NELL1: variants seen among roughly 807,000 people sequenced by gnomAD.
The protein encoded by NELL1 is protein kinase C-binding protein NELL1.
In NELL1, 76 loss-of-function variants were observed where a neutral mutation model predicts 107.4. That is an observed-to-expected ratio of 0.71 (90% CI 0.59 to 0.86). NELL1 has a LOEUF of 0.86. NELL1 is among the 40% of genes least tolerant of loss of function. The pLI, the probability that NELL1 is intolerant of heterozygous loss-of-function variation, is 0.00. For synonymous variants in NELL1, 353 were observed against 341.2 expected (o/e 1.03, Z -0.38); for missense variants, 1,024 against 1,005.5 (o/e 1.02, Z -0.25).
intron 4 of NELL1, among the ~76,000 whole-genome samples, chr11:20,855,949 G>A (rs879372804): frequency 5.3e-5 from 8 of 152,310 alleles, no homozygotes; most frequent in South Asian, 2.1e-4. Flanking sequence ...TGCTGATGTC[G>A]TTGAAAAGAA....
chr11:20,792,016 G>A (rs185466799), intron 3 of NELL1, among the ~76,000 whole-genome samples: 3 of 152,096 alleles, frequency 2.0e-5, no homozygotes, highest in African/African-American at 4.8e-5. Flanking sequence ...CGATTTGATA[G>A]TATATTGTTG....
chr11:21,046,120 G>A (rs1180546346), intron 12 of NELL1, among the ~76,000 whole-genome samples: 1 of 152,118 alleles, frequency 6.6e-6, no homozygotes, highest in Admixed American at 6.6e-5. Flanking sequence ...CTAAGGCAGT[G>A]TTTTTAAGTC....
chr11:20,972,670 C>T (rs192893372), intron 12 of NELL1, among the ~76,000 whole-genome samples: 5 of 151,938 alleles, frequency 3.3e-5, no homozygotes, highest in Admixed American at 2.6e-4. Flanking sequence ...GAGTGTTGAG[C>T]GCAGAGAGAA....
chr11:21,488,318 T>C (rs540782330), intron 15 of NELL1, among the ~76,000 whole-genome samples: 1 of 152,026 alleles, frequency 6.6e-6, no homozygotes, highest in Non-Finnish European at 1.5e-5. Context: ...AGAAATAAAC[T>C]TCTTCTATTT....
chr11:21,054,607 T>G (rs1169519693), intron 12 of NELL1, among the ~76,000 whole-genome samples: 2 of 152,102 alleles, frequency 1.3e-5, no homozygotes, highest in African/African-American at 4.8e-5. Context: ...TCACTAATAT[T>G]ATAGTTTTTG....
chr11:20,874,941 A>G (rs1045245886), intron 4 of NELL1, among the ~76,000 whole-genome samples: 2 of 152,198 alleles, frequency 1.3e-5, no homozygotes, highest in African/African-American at 4.8e-5. Context: ...CTGTTCCTTC[A>G]ACTGTTCATC....
chr11:21,483,990 C>CATATATAT (rs781565679), intron 15 of NELL1, among the ~76,000 whole-genome samples: 1,455 of 88,156 alleles, frequency 0.017, 67 homozygotes, highest in Middle Eastern at 0.023. Flanking sequence ...TTTTACTTAA[C>CATATATAT]ATATATATAT....
intron 14 of NELL1, among the ~76,000 whole-genome samples, chr11:21,245,496 G>A (rs998475528): frequency 5.9e-5 from 9 of 152,080 alleles, no homozygotes; most frequent in South Asian, 2.1e-4. Flanking sequence ...TTTCCTTGTC[G>A]TTCAAAATGA....
intron 13 of NELL1, among the ~76,000 whole-genome samples, chr11:21,161,406 G>A (rs114032922): frequency 0.025 from 3,789 of 152,086 alleles, 158 homozygotes; most frequent in African/African-American, 0.085. Flanking sequence ...GTGTAGTGGC[G>A]CACGCCGGTA....
In NELL1 at chr11:20,705,929, T is replaced by C. The variant is rs532423019; in HGVS notation, c.184+27869T>C. Among the ~76,000 whole-genome samples the C allele has an allele frequency of 4.6e-5, 7 of 152,312 alleles. No homozygotes were observed. The East Asian group carries it at 1.3e-3, about 29-fold the overall frequency. On this transcript the variant is annotated intron_variant, in intron 2 of 19. Transcript: ENST00000357134. Reference sequence around the variant, plus strand: ...CACGTGAAAAAATGCTCATCATGACTGGCCATCAGAGAAATGCAAATGAAA... The same window carrying C: ...CACGTGAAAAAATGCTCATCATGACCGGCCATCAGAGAAATGCAAATGAAA...
intron 14 of NELL1, among the ~76,000 whole-genome samples, chr11:21,324,094 C>T (rs780095470): frequency 6.6e-6 from 1 of 152,108 alleles, no homozygotes; most frequent in Non-Finnish European, 1.5e-5. Context: ...GTGTAATAAA[C>T]TACCCATGTG....
intron 12 of NELL1, among the ~76,000 whole-genome samples, chr11:21,058,827 G>T (rs1853670546): frequency 6.6e-6 from 1 of 152,108 alleles, no homozygotes; most frequent in Non-Finnish European, 1.5e-5. Context: ...GAGTGTCAGA[G>T]GGACTAGCTT....
intron 3 of NELL1, among the ~76,000 whole-genome samples, chr11:20,804,954 G>A (rs1857351549): frequency 6.6e-6 from 1 of 152,138 alleles, no homozygotes; most frequent in South Asian, 2.1e-4. Flanking sequence ...ACATCTGGGT[G>A]TTCCAGTGTT....
intron 12 of NELL1, among the ~76,000 whole-genome samples, chr11:21,095,263 C>A (rs539834851): frequency 2.4e-4 from 36 of 152,172 alleles, no homozygotes; most frequent in Admixed American, 2.2e-3. Context: ...TCAGCCTGAA[C>A]CTTATTGTCC....
chr11:20,987,547 G>C (rs1456885698), intron 12 of NELL1, among the ~76,000 whole-genome samples: 1 of 152,076 alleles, frequency 6.6e-6, no homozygotes, highest in East Asian at 1.9e-4. Context: ...AGAGCGAAAT[G>C]GAGGCAAAAA....
chr11:20,692,438 C>T (rs957943071), intron 2 of NELL1, among the ~76,000 whole-genome samples: 1 of 151,534 alleles, frequency 6.6e-6, no homozygotes, highest in Non-Finnish European at 1.5e-5. Context: ...TATAAATTTC[C>T]CTCTCCACAC....
At chr11:21,372,202 A>G (rs1268142615) in intron 15 of NELL1, among the ~76,000 whole-genome samples, 1 of 152,104 alleles carries the variant, frequency 6.6e-6, no homozygotes, top group Non-Finnish European at 1.5e-5. Flanking sequence ...TCTTGCTAAA[A>G]GCAAAGAAAC....
chr11:21,424,781 G>A (rs1185439361), intron 15 of NELL1, among the ~76,000 whole-genome samples: 5 of 152,232 alleles, frequency 3.3e-5, no homozygotes, highest in South Asian at 2.1e-4. Flanking sequence ...TATAACAAAT[G>A]AGATAGAATC....
At chr11:21,398,059 T>C (rs749388757) in intron 15 of NELL1, among the ~76,000 whole-genome samples, 5 of 151,214 alleles carry the variant, frequency 3.3e-5, no homozygotes, top group Non-Finnish European at 7.4e-5. Context: ...ATATATTATA[T>C]AAATTTAAAA....
Sources: allele counts gnomAD v4.1 joint callset (sites outside exome capture counted in the v4.1 genomes callset), GRCh38; gene constraint gnomAD v4.1.1; transcripts MANE v1.5; gene names NCBI Gene and HGNC (gene_info 2026-07-23, HGNC 2026-07-21).